The following ZNF148 variants were observed in gnomAD, a reference collection of about 807,000 sequenced individuals.
ZNF148 encodes zinc finger protein 148, also known as Beta-Enolase Repressor Factor-1.
Under a neutral mutation model 67.7 loss-of-function variants are expected in ZNF148, and 7 were observed. That is an observed-to-expected ratio of 0.10 (90% CI 0.06 to 0.19). The LOEUF is 0.19. Ranked by LOEUF, ZNF148 falls within the 10% of genes least tolerant of loss-of-function variation. ZNF148 has a pLI of 1.00. For missense variants in ZNF148, 583 were observed against 947.1 expected (o/e 0.62, Z 5.05); for synonymous variants, 333 against 330.7 (o/e 1.01, Z -0.08).
rs905953566 is a variant in ZNF148 at position 125,282,815 on chromosome 3, C to T, written c.460-3568G>A. On this transcript the variant is annotated intron_variant, in intron 5 of 8. Transcript: ENST00000360647. ...CCTATTCAAATTCAGAGATTTTTCA[C>T]TCCATAAGGATCACTGCCACTGAAT... 2.6e-5 allele frequency among the ~76,000 whole-genome samples: 4 copies of T among 152,264 alleles called. No homozygotes were observed. The East Asian group carries it at 7.7e-4, about 29-fold the overall frequency.
At chr3:125,273,191 C>A (rs936403845) in intron 7 of ZNF148, among the ~76,000 whole-genome samples, 1 of 152,124 alleles carries the variant, frequency 6.6e-6, no homozygotes, top group Non-Finnish European at 1.5e-5. Flanking sequence ...CTAACCCCAC[C>A]CCATTAGCCC....
intron 1 of ZNF148, among the ~76,000 whole-genome samples, chr3:125,360,774 T>C (rs1942510340): frequency 6.6e-6 from 1 of 150,780 alleles, no homozygotes; most frequent in Non-Finnish European, 1.5e-5. Flanking sequence ...AGACCAGAAG[T>C]TTAAGACCAG....
At chr3:125,270,210 A>C (rs980048713) in intron 7 of ZNF148, among the ~76,000 whole-genome samples, 1 of 152,136 alleles carries the variant, frequency 6.6e-6, no homozygotes, top group Non-Finnish European at 1.5e-5. Context: ...TGGAATAATT[A>C]AAAATGCACA....
At chr3:125,351,900 C>T (rs560046579) in intron 1 of ZNF148, among the ~76,000 whole-genome samples, 546 of 152,212 alleles carry the variant, frequency 3.6e-3, no homozygotes, top group Middle Eastern at 0.014. Flanking sequence ...GAAGTGTTAT[C>T]AAGGATATGG....
intron 7 of ZNF148, among the ~76,000 whole-genome samples, chr3:125,244,224 C>T (rs1197330428): frequency 6.6e-6 from 1 of 152,150 alleles, no homozygotes; most frequent in Admixed American, 6.5e-5. Flanking sequence ...TCTGACATTG[C>T]ACACAATCAG....
At chr3:125,314,133 T>C (rs1300861328) in intron 3 of ZNF148, among the ~76,000 whole-genome samples, 1 of 152,044 alleles carries the variant, frequency 6.6e-6, no homozygotes, top group Non-Finnish European at 1.5e-5. Context: ...AACAGCACTA[T>C]CATATTTCAT....
intron 1 of ZNF148, among the ~76,000 whole-genome samples, chr3:125,345,877 G>A (rs1450678808): frequency 2.0e-5 from 3 of 151,996 alleles, no homozygotes; most frequent in Non-Finnish European, 4.4e-5. Context: ...TGCAGGCTCA[G>A]ATGGCTTCAC....
intron 1 of ZNF148, among the ~76,000 whole-genome samples, chr3:125,339,394 T>C (rs1444747898): frequency 6.6e-6 from 1 of 152,196 alleles, no homozygotes; most frequent in Non-Finnish European, 1.5e-5. Context: ...ACGGGAATAG[T>C]TGAAACATCT....
At chr3:125,312,314 G>A (rs565421568) in intron 4 of ZNF148, among the ~76,000 whole-genome samples, 1 of 152,260 alleles carries the variant, frequency 6.6e-6, no homozygotes, top group South Asian at 2.1e-4. Flanking sequence ...ACATCATCAG[G>A]CTAAAGAGGA....
At chr3:125,295,190 T>C (rs1939216636) in intron 4 of ZNF148, among the ~76,000 whole-genome samples, 1 of 152,062 alleles carries the variant, frequency 6.6e-6, no homozygotes, top group Non-Finnish European at 1.5e-5. Context: ...GCACAGAGGC[T>C]CATGCCTGTA....
chr3:125,322,996 A>T (rs955844106), intron 3 of ZNF148, among the ~76,000 whole-genome samples: 2 of 152,220 alleles, frequency 1.3e-5, no homozygotes, highest in African/African-American at 4.8e-5. Flanking sequence ...TAATGAGTGT[A>T]TATGTGTTCA....
At chr3:125,278,124 C>T (rs926584573) in intron 6 of ZNF148, among the ~76,000 whole-genome samples, 6 of 152,100 alleles carry the variant, frequency 3.9e-5, no homozygotes, top group Admixed American at 2.0e-4. Context: ...CAGGTTCTCA[C>T]GTGTCCTAAA....
At chr3:125,370,398 A>G (rs1942841033) in intron 1 of ZNF148, among the ~76,000 whole-genome samples, 1 of 152,244 alleles carries the variant, frequency 6.6e-6, no homozygotes, top group Non-Finnish European at 1.5e-5. Flanking sequence ...AACAGTGAAC[A>G]CTACTTTCTA....
At chr3:125,342,435 T>G (rs1377441418) in intron 1 of ZNF148, among the ~76,000 whole-genome samples, 2 of 151,538 alleles carry the variant, frequency 1.3e-5, no homozygotes, top group Admixed American at 1.3e-4. Context: ...GACACCAGAT[T>G]TCTCATCTCA....
intron 7 of ZNF148, among the ~76,000 whole-genome samples, chr3:125,273,192 C>T (rs1311439201): frequency 6.6e-6 from 1 of 152,148 alleles, no homozygotes; most frequent in African/African-American, 2.4e-5. Flanking sequence ...TAACCCCACC[C>T]CATTAGCCCA....
At chr3:125,316,889 A>G (rs1489916342) in intron 3 of ZNF148, among the ~76,000 whole-genome samples, 1 of 152,126 alleles carries the variant, frequency 6.6e-6, no homozygotes, top group Non-Finnish European at 1.5e-5. Context: ...GCCTAGCATC[A>G]AGCCAAAACA....
intron 4 of ZNF148, 129 bp from the exon 5 acceptor site, chr3:125,288,357 T>C (rs1938817011): frequency 1.1e-6 from 1 of 926,882 alleles, no homozygotes; most frequent in Admixed American, 2.8e-5. Flanking sequence ...TATGTGTGTG[T>C]GTCCTAACTA....
chr3:125,329,439 G>A (rs1264953865), intron 2 of ZNF148, among the ~76,000 whole-genome samples: 3 of 148,606 alleles, frequency 2.0e-5, no homozygotes, highest in South Asian at 2.1e-4. Flanking sequence ...TTGGCTCAAC[G>A]CAACCTCCGC....
intron 7 of ZNF148, among the ~76,000 whole-genome samples, chr3:125,235,326 A>G (rs1178783096): frequency 1.3e-5 from 2 of 152,208 alleles, no homozygotes; most frequent in African/African-American, 2.4e-5. Context: ...CACTATGTCT[A>G]TTCTGATTTA....
Sources: gnomAD v4.1 joint callset for allele counts (sites outside exome capture counted in the v4.1 genomes callset) on GRCh38, gnomAD v4.1.1 for gene constraint, MANE v1.5 for transcripts, NCBI Gene and HGNC (gene_info 2026-07-23, HGNC 2026-07-21) for gene names.